The following DLC1 variants were observed in gnomAD, a reference collection of about 807,000 sequenced individuals.
The protein encoded by DLC1 is rho GTPase-activating protein 7.
A neutral mutation model predicts 140.3 loss-of-function variants in DLC1; 54 were observed. That is an observed-to-expected ratio of 0.38 (90% CI 0.31 to 0.48). DLC1 has a LOEUF of 0.48. Ranked by LOEUF, DLC1 falls within the 20% of genes least tolerant of loss-of-function variation. The probability of loss-of-function intolerance (pLI) is 0.96; values close to 1 mark genes in which losing one functional copy is unlikely to be tolerated. For missense variants in DLC1, 2,536 were observed against 1,907.0 expected (o/e 1.33, Z -6.14); for synonymous variants, 986 against 728.1 (o/e 1.35, Z -5.70).
intron 5 of DLC1, among the ~76,000 whole-genome samples, chr8:13,164,711 T>G (rs993644230): frequency 6.6e-6 from 1 of 152,176 alleles, no homozygotes; most frequent in Admixed American, 6.5e-5. Context: ...AGCTCTTTCC[T>G]CTGTCATAAT....
At chr8:13,217,196 C>T (rs532939932) in intron 5 of DLC1, among the ~76,000 whole-genome samples, 3 of 152,070 alleles carry the variant, frequency 2.0e-5, no homozygotes, top group Non-Finnish European at 4.4e-5. Flanking sequence ...CTGTGAGATG[C>T]TTGCTTTTCC....
intron 5 of DLC1, among the ~76,000 whole-genome samples, chr8:13,122,089 C>T (rs190361251): frequency 3.2e-4 from 48 of 152,302 alleles, no homozygotes; most frequent in East Asian, 7.7e-4. Context: ...CCTCCCTGCC[C>T]CCAACAAATC....
intron 2 of DLC1, among the ~76,000 whole-genome samples, chr8:13,445,007 G>A (rs77855769): frequency 0.024 from 3,714 of 152,080 alleles, 61 homozygotes; most frequent in Middle Eastern, 0.041. Context: ...TAGCAGACAA[G>A]GGAAAGGTAG....
chr8:13,401,913 A>G (rs1023501144), intron 2 of DLC1, among the ~76,000 whole-genome samples: 3 of 152,134 alleles, frequency 2.0e-5, no homozygotes, highest in South Asian at 2.1e-4. Flanking sequence ...CCCACTACCT[A>G]TTTTTGGGAA....
At chr8:13,538,156 G>A (rs184715742) in intron 1 of DLC1, among the ~76,000 whole-genome samples, 18 of 152,158 alleles carry the variant, frequency 1.2e-4, no homozygotes, top group Admixed American at 3.9e-4. Flanking sequence ...GGAGAAATAG[G>A]CCTTCTTAAA....
intron 1 of DLC1, among the ~76,000 whole-genome samples, chr8:13,547,468 G>C (rs1030503354): frequency 6.6e-6 from 1 of 151,994 alleles, no homozygotes. Flanking sequence ...TCTATAACCA[G>C]AAATGTCACT....
At chr8:13,186,731 C>T (rs1484277774) in intron 5 of DLC1, among the ~76,000 whole-genome samples, 1 of 152,216 alleles carries the variant, frequency 6.6e-6, no homozygotes, top group Non-Finnish European at 1.5e-5. Context: ...AGAAGAGGCA[C>T]TCTGAGTTTT....
chr8:13,288,585 A>G (rs997323706), intron 5 of DLC1, among the ~76,000 whole-genome samples: 1 of 152,014 alleles, frequency 6.6e-6, no homozygotes, highest in African/African-American at 2.4e-5. Context: ...ATGTCCAGAA[A>G]CTCTTGAGTA....
chr8:13,530,387 G>A (rs796206951), intron 1 of DLC1, among the ~76,000 whole-genome samples: 27 of 152,262 alleles, frequency 1.8e-4, no homozygotes, highest in African/African-American at 6.3e-4. Context: ...AACCACAAAG[G>A]AAATGCCGAG....
intron 2 of DLC1, among the ~76,000 whole-genome samples, chr8:13,483,793 A>G (rs575042158): frequency 1.5e-4 from 23 of 152,234 alleles, no homozygotes; most frequent in Non-Finnish European, 1.3e-4. Flanking sequence ...GTTTAAAGAT[A>G]ATCTCGGGCG....
At chr8:13,166,707 C>T (rs547914674) in intron 5 of DLC1, among the ~76,000 whole-genome samples, 2 of 152,058 alleles carry the variant, frequency 1.3e-5, no homozygotes, top group African/African-American at 4.8e-5. Flanking sequence ...AATAAGCCAA[C>T]TTATTTAAAC....
chr8:13,359,284 AC>A (rs1359533910), intron 4 of DLC1, among the ~76,000 whole-genome samples: 1 of 151,986 alleles, frequency 6.6e-6, no homozygotes, highest in Non-Finnish European at 1.5e-5. Context: ...CTCTCACAAA[AC>A]CTGCCTCATA....
At chr8:13,268,364 G>C (rs186109547) in intron 5 of DLC1, among the ~76,000 whole-genome samples, 1 of 152,236 alleles carries the variant, frequency 6.6e-6, no homozygotes, top group Admixed American at 6.5e-5. Flanking sequence ...GTCCAGGTTG[G>C]AGTGCAGTGG....
At chr8:13,369,784 T>A (rs979767903) in intron 4 of DLC1, among the ~76,000 whole-genome samples, 10 of 151,906 alleles carry the variant, frequency 6.6e-5, no homozygotes, top group Non-Finnish European at 1.2e-4. Flanking sequence ...CTTGTGCCCA[T>A]AAGCTGTTCT....
chr8:13,235,710 A>T (rs1016766112), intron 5 of DLC1, among the ~76,000 whole-genome samples: 6 of 152,020 alleles, frequency 3.9e-5, no homozygotes, highest in Non-Finnish European at 8.8e-5. Flanking sequence ...CTCTTGGAAG[A>T]TATTTCCTAA....
chr8:13,286,531 G>A (rs966976898), intron 5 of DLC1, among the ~76,000 whole-genome samples: 1 of 151,890 alleles, frequency 6.6e-6, no homozygotes, highest in Admixed American at 6.6e-5. Flanking sequence ...TGTTTCTATT[G>A]TATCACATTA....
intron 14 of DLC1, 42 bp downstream of exon 14, chr8:13,091,276 A>C (rs746405540): frequency 1.3e-6 from 2 of 1,598,142 alleles, no homozygotes; most frequent in Non-Finnish European, 1.7e-6. Context: ...GTACCTATTC[A>C]CATTATCCTT....
At chr8:13,437,985 G>T (rs554069628) in intron 2 of DLC1, among the ~76,000 whole-genome samples, 9 of 149,910 alleles carry the variant, frequency 6.0e-5, no homozygotes, top group African/African-American at 2.2e-4. Context: ...CAGGAAGAAT[G>T]AAATCTTATA....
intron 4 of DLC1, among the ~76,000 whole-genome samples, chr8:13,324,446 T>C (rs1285192144): frequency 1.3e-5 from 2 of 151,948 alleles, no homozygotes; most frequent in Non-Finnish European, 2.9e-5. Context: ...CGGGCGCCTG[T>C]AGTCCCAGCT....
Sources: allele counts gnomAD v4.1 joint callset (sites outside exome capture counted in the v4.1 genomes callset), GRCh38; gene constraint gnomAD v4.1.1; transcripts MANE v1.5; gene names NCBI Gene and HGNC (gene_info 2026-07-23, HGNC 2026-07-21).